PTPRK: variants seen among roughly 807,000 people sequenced by gnomAD.
PTPRK encodes receptor-type tyrosine-protein phosphatase kappa.
In PTPRK, 75 loss-of-function variants were observed where a neutral mutation model predicts 178.0. That is an observed-to-expected ratio of 0.42 (90% CI 0.35 to 0.51). PTPRK has a LOEUF of 0.51. PTPRK is among the 20% of genes least tolerant of loss of function. The pLI, the probability that PTPRK is intolerant of heterozygous loss-of-function variation, is 0.02. For synonymous variants in PTPRK, 637 were observed against 620.6 expected, an observed-to-expected ratio of 1.03 and a Z score of -0.39; for missense variants, 1,441 against 1,797.8, an observed-to-expected ratio of 0.80 and a Z score of 3.59.
intron 2 of PTPRK, among the ~76,000 whole-genome samples, chr6:128,346,686 C>A (rs1427294123): frequency 6.6e-6 from 1 of 152,080 alleles, no homozygotes; most frequent in African/African-American, 2.4e-5. Flanking sequence ...ATTACTGGAA[C>A]CTTCCTTGTC....
chr6:128,203,519 C>T (rs1288058255), intron 6 of PTPRK, among the ~76,000 whole-genome samples: 1 of 152,080 alleles, frequency 6.6e-6, no homozygotes, highest in Non-Finnish European at 1.5e-5. Flanking sequence ...GATCCTATAC[C>T]TAGAAAACCC....
At chr6:128,020,530 T>C (rs772459512) in intron 13 of PTPRK, among the ~76,000 whole-genome samples, 16 of 152,290 alleles carry the variant, frequency 1.1e-4, no homozygotes, top group Non-Finnish European at 1.9e-4. Flanking sequence ...CCAGGTACTG[T>C]ATGTAATTAA....
chr6:128,343,546 T>C (rs1831979152), intron 2 of PTPRK, among the ~76,000 whole-genome samples: 1 of 150,864 alleles, frequency 6.6e-6, no homozygotes, highest in Non-Finnish European at 1.5e-5. Flanking sequence ...ATTTTCATCA[T>C]TAATAAGAGT....
rs547889738 is a variant in PTPRK, at chr6:128,292,678, C to T, written c.495+29361G>A. Among the ~76,000 whole-genome samples, 120 of 152,098 alleles carry T rather than the reference C, an allele frequency of 7.9e-4. 1 individual carries two copies. Among genetic ancestry groups the T allele is most frequent in the African/African-American group, 2.2e-3 (90 of 41,522 alleles). ...AATAGGATGCAGTTCATAGGGCATC[C>T]GTCCTATGAATTCTTTCTTTGCCAG... On this transcript the variant is annotated intron_variant, in intron 3 of 29. Coordinates refer to ENST00000368226, the MANE Select transcript of PTPRK (RefSeq NM_002844.4).
intron 3 of PTPRK, among the ~76,000 whole-genome samples, chr6:128,295,101 T>C (rs1562227019): frequency 6.6e-6 from 1 of 152,134 alleles, no homozygotes; most frequent in East Asian, 1.9e-4. Flanking sequence ...AATTTAACTA[T>C]ATGATTAATT....
intron 2 of PTPRK, among the ~76,000 whole-genome samples, chr6:128,388,461 T>G (rs1839086844): frequency 6.6e-6 from 1 of 152,180 alleles, no homozygotes; most frequent in African/African-American, 2.4e-5. Flanking sequence ...TCCTTATGGT[T>G]TAAACACATT....
intron 13 of PTPRK, among the ~76,000 whole-genome samples, chr6:128,048,496 A>G (rs1208871731): frequency 6.6e-6 from 1 of 152,166 alleles, no homozygotes; most frequent in East Asian, 1.9e-4. Context: ...TTTCTGCTGA[A>G]ACATTACCTC....
intron 6 of PTPRK, among the ~76,000 whole-genome samples, chr6:128,213,496 C>T (rs1163097475): frequency 2.0e-5 from 3 of 152,018 alleles, no homozygotes; most frequent in Non-Finnish European, 4.4e-5. Context: ...GAAAACATAG[C>T]TGTTTAAATT....
At chr6:128,092,169 A>C (rs1188919068) in intron 7 of PTPRK, among the ~76,000 whole-genome samples, 1 of 152,204 alleles carries the variant, frequency 6.6e-6, no homozygotes, top group African/African-American at 2.4e-5. Context: ...TGATATGGAA[A>C]AACAAAGAGT....
intron 1 of PTPRK, among the ~76,000 whole-genome samples, chr6:128,421,693 C>T (rs1843500389): frequency 6.6e-6 from 1 of 152,176 alleles, no homozygotes; most frequent in Non-Finnish European, 1.5e-5. Flanking sequence ...TACTGCTGTT[C>T]TCTTTTACCC....
intron 2 of PTPRK, among the ~76,000 whole-genome samples, chr6:128,329,894 GTC>G (rs1176279830): frequency 6.6e-5 from 10 of 152,122 alleles, no homozygotes; most frequent in African/African-American, 2.4e-4. Context: ...TTCCACTCTA[GTC>G]TCTCAACATC....
intron 13 of PTPRK, among the ~76,000 whole-genome samples, chr6:128,064,145 C>T (rs982555863): frequency 7.2e-5 from 11 of 152,152 alleles, no homozygotes; most frequent in Non-Finnish European, 1.5e-4. Flanking sequence ...CCACTTGGAA[C>T]TCTAAATATT....
chr6:128,055,828 C>T (rs1779790511), intron 13 of PTPRK, among the ~76,000 whole-genome samples: 1 of 152,072 alleles, frequency 6.6e-6, no homozygotes, highest in South Asian at 2.1e-4. Context: ...TCTCAAACTC[C>T]TGGCTTGAAG....
intron 13 of PTPRK, chr6:128,062,785 G>A (rs1781081273): frequency 1.3e-5 from 2 of 152,326 alleles, no homozygotes; most frequent in African/African-American, 4.8e-5. Flanking sequence ...CTTAAGCGAT[G>A]CTCTCGCTTC....
intron 7 of PTPRK, among the ~76,000 whole-genome samples, chr6:128,103,612 T>A (rs1270221400): frequency 1.3e-5 from 2 of 152,028 alleles, no homozygotes; most frequent in African/African-American, 4.8e-5. Flanking sequence ...GCGATAGGGG[T>A]CACAGAACTC....
chr6:128,508,921 T>C (rs899826218), intron 1 of PTPRK, among the ~76,000 whole-genome samples: 1 of 147,218 alleles, frequency 6.8e-6, no homozygotes, highest in Non-Finnish European at 1.5e-5. Flanking sequence ...CACTCCAGCC[T>C]GAGCAATAAG....
At chr6:128,427,065 C>T (rs748409907) in intron 1 of PTPRK, among the ~76,000 whole-genome samples, 4 of 152,154 alleles carry the variant, frequency 2.6e-5, no homozygotes, top group Admixed American at 6.5e-5. Flanking sequence ...TGTGTTCTAA[C>T]GTGCCATTAG....
chr6:128,019,172 C>T (rs941221432), intron 13 of PTPRK, among the ~76,000 whole-genome samples: 5 of 152,132 alleles, frequency 3.3e-5, no homozygotes, highest in Admixed American at 3.3e-4. Flanking sequence ...TAAAGAAAGA[C>T]AATCTCAGGA....
chr6:128,375,112 C>G (rs1836867075), intron 2 of PTPRK, among the ~76,000 whole-genome samples: 2 of 142,920 alleles, frequency 1.4e-5, no homozygotes, highest in Non-Finnish European at 3.1e-5. Context: ...TTATCCTTTT[C>G]CCCATCAAGG....
Sources: allele counts gnomAD v4.1 joint callset (sites outside exome capture counted in the v4.1 genomes callset), GRCh38; gene constraint gnomAD v4.1.1; transcripts MANE v1.5; gene names NCBI Gene and HGNC (gene_info 2026-07-23, HGNC 2026-07-21).